The following MTX2 variants were observed in gnomAD, a reference collection of about 807,000 sequenced individuals.
The protein encoded by MTX2 is metaxin 2, also known as metaxin-2.
A neutral mutation model predicts 42.3 loss-of-function variants in MTX2; 35 were observed. The ratio of observed to expected loss-of-function variants is 0.83; its 90% CI spans 0.63 to 1.10. The LOEUF (loss-of-function observed/expected upper bound fraction) is 1.10, where lower values mean the gene tolerates loss of function less well. Ranked by LOEUF, MTX2 falls within the 50% of genes least tolerant of loss-of-function variation. The pLI is 0.00. For missense variants in MTX2, 307 were observed against 304.1 expected, an observed-to-expected ratio of 1.01 and a Z score of -0.07; for synonymous variants, 119 against 100.9, an observed-to-expected ratio of 1.18 and a Z score of -1.08.
chr2:176,296,782 G>C, intron 1 of MTX2, 78 bp from the exon 2 acceptor site: 1 of 1,433,100 alleles, frequency 7.0e-7, no homozygotes, highest in East Asian at 2.3e-5. Flanking sequence ...GTAGGCAAAT[G>C]TACATGCTTA....
chr2:176,323,763 A>G (rs1684641088), intron 4 of MTX2, among the ~76,000 whole-genome samples: 5 of 151,728 alleles, frequency 3.3e-5, no homozygotes, highest in Admixed American at 3.3e-4. Context: ...CCTAGTCTTA[A>G]TGTACATAAG....
rs747303822 is a variant in MTX2 at position 176,328,260 on chromosome 2, ATGT to A, written c.286-31_286-29del. On this transcript the variant is annotated intron_variant, in intron 5 of 9. Coordinates refer to ENST00000249442, the MANE Select transcript of MTX2 (RefSeq NM_006554.5). The stretch of plus-strand genomic sequence containing the variant: ...TGAAAGTTTTTGTATATTTAATATG[ATGT>A]TCTTTTAAATTTTTTTAAATTCCCT... 15 of 1,366,670 alleles carry A rather than the reference ATGT, an allele frequency of 1.1e-5. No individual in the cohort carries two copies. In the South Asian group the frequency reaches 2.0e-4, roughly 18 times the overall value. 84.7% of individuals were successfully genotyped at this position (1,366,670 alleles called of 1,614,324 possible). A position where few individuals can be genotyped will look rare whatever the true frequency, so the allele number is the denominator to read the frequency against.
chr2:176,332,554 TGGGGATGTTG>T lies in MTX2; in HGVS notation c.620+1897_620+1906del, dbSNP rs1361548343. Among the ~76,000 whole-genome samples, 38 of 151,322 alleles carry T rather than the reference TGGGGATGTTG, an allele frequency of 2.5e-4. 1 individual carries two copies. The highest frequency in any genetic ancestry group is 2.5e-3 in the Admixed American group (38 of 15,134). On this transcript the variant is annotated intron_variant, in intron 9 of 9. Transcript: ENST00000249442. ...TTAACTTTCCTTCTAGCTCAACTAC[TGGGGATGTTG>T]GGAGGACTCGTGAAAGAAACCAAAT...
intron 1 of MTX2, among the ~76,000 whole-genome samples, chr2:176,274,698 G>T (rs1342995521): frequency 6.6e-6 from 1 of 152,152 alleles, no homozygotes; most frequent in East Asian, 1.9e-4. Context: ...GCAAGACCAG[G>T]TACTACCTGG....
rs114817038 is a variant in MTX2, at chr2:176,337,786, A to G, written c.*122A>G. The G allele has an allele frequency of 1.7e-3, 1,269 of 768,464 alleles. 13 individuals carry two copies. In the African/African-American group the frequency reaches 0.02, roughly 12 times the overall value. 47.6% of individuals were successfully genotyped at this position (768,464 alleles called of 1,614,324 possible). A position where few individuals can be genotyped will look rare whatever the true frequency, so the allele number is the denominator to read the frequency against. On this transcript the variant is annotated 3_prime_UTR_variant, in exon 10 of 10. Transcript: ENST00000249442. ...GCTTTTTGAAACCTCAAATTATATAATGTATCTTATGTATGTGCTTTATAT... is the reference window on the plus strand; with the variant it reads ...GCTTTTTGAAACCTCAAATTATATAGTGTATCTTATGTATGTGCTTTATAT...
chr2:176,316,861 T>G (rs1176288320), intron 3 of MTX2, among the ~76,000 whole-genome samples: 1 of 152,150 alleles, frequency 6.6e-6, no homozygotes, highest in African/African-American at 2.4e-5. Flanking sequence ...TGTATAATTT[T>G]ATACATATAT....
chr2:176,318,133 CT>C (rs1400813097), intron 3 of MTX2, among the ~76,000 whole-genome samples: 11 of 151,864 alleles, frequency 7.2e-5, no homozygotes, highest in African/African-American at 2.4e-4. Flanking sequence ...GGGTGTATAC[CT>C]TTTCTGTTTC....
intron 1 of MTX2, 74 bp from the exon 2 acceptor site, chr2:176,296,786 A>G: frequency 2.1e-6 from 3 of 1,455,852 alleles, no homozygotes; most frequent in Non-Finnish European, 2.9e-6. Flanking sequence ...GCAAATGTAC[A>G]TGCTTATTAA....
chr2:176,309,082 A>T (rs1223621416), intron 3 of MTX2, among the ~76,000 whole-genome samples: 1 of 151,990 alleles, frequency 6.6e-6, no homozygotes, highest in Non-Finnish European at 1.5e-5. Flanking sequence ...AGAGATTCTG[A>T]TATGTTGTGT....
At chr2:176,324,735 CTTT>C (rs1375084196) in intron 4 of MTX2, among the ~76,000 whole-genome samples, 2 of 151,560 alleles carry the variant, frequency 1.3e-5, no homozygotes, top group Non-Finnish European at 3.0e-5. Context: ...TACCTATTTT[CTTT>C]TTATTAGATT....
Position 176,328,296 on chromosome 2 carries a change from C to A in MTX2, c.289C>A (p.His97Asn), listed in dbSNP as rs754137464. ...PIVQFVKAKG[H>N]SLSDGLEEVQ... ...AATTTTTTTAAATTCCCTTTAGGGC[C>A]ATTCTCTTAGTGATGGGCTGGAGGA... Residue 97 changes from histidine (H) to asparagine (N), a missense_variant, in exon 6 of 10, where the codon CAT (histidine) becomes AAT (asparagine). Transcript: ENST00000249442. 6 of 1,553,924 alleles carry A rather than the reference C, an allele frequency of 3.9e-6. No homozygotes were observed. The highest frequency in any genetic ancestry group is 5.2e-6 in the Non-Finnish European group (6 of 1,154,264).
In MTX2 at chr2:176,285,637, CT is replaced by C. The variant is rs879442676; in HGVS notation, c.41-11211del. Among the ~76,000 whole-genome samples the C allele has an allele frequency of 9.2e-3, 1,311 of 142,034 alleles. 9 individuals are homozygous for C. The highest frequency in any genetic ancestry group is 0.021 in the African/African-American group (836 of 39,152). The allele number at this position is 142,034 out of a possible 152,430, so 93.2% of individuals were successfully genotyped here. ...ATCATATGTTTTCTTTTGTGTCTGGCTTTTTTTTTTTTATTGGGCATAATGC... is the reference window on the plus strand; with the variant it reads ...ATCATATGTTTTCTTTTGTGTCTGGCTTTTTTTTTTTATTGGGCATAATGC... On this transcript the variant is annotated intron_variant, in intron 1 of 9. Transcript: ENST00000249442.
intron 1 of MTX2, among the ~76,000 whole-genome samples, chr2:176,276,894 C>A (rs1692960650): frequency 6.6e-6 from 1 of 152,004 alleles, no homozygotes; most frequent in African/African-American, 2.4e-5. Flanking sequence ...GAAATAAGAA[C>A]AATATCTGTT....
chr2:176,319,806 G>T (rs2105436583), intron 3 of MTX2, among the ~76,000 whole-genome samples: 1 of 152,028 alleles, frequency 6.6e-6, no homozygotes, highest in Non-Finnish European at 1.5e-5. Flanking sequence ...AAACTCCTGA[G>T]CTTGTGATCC....
chr2:176,296,968 C>A, intron 2 of MTX2, 61 bp downstream of exon 2: 1 of 1,470,598 alleles, frequency 6.8e-7, no homozygotes. Flanking sequence ...ACGGAAAAAT[C>A]CTCAGTAATA....
In MTX2 at chr2:176,288,749, T is replaced by C. The variant is rs150826056; in HGVS notation, c.41-8111T>C. Among the ~76,000 whole-genome samples the C allele has an allele frequency of 5.3e-5, 8 of 152,050 alleles. No individual in the cohort carries two copies. In the South Asian group the frequency reaches 6.2e-4, roughly 12 times the overall value. ...CATGTAATATTAGTGCCTATTATTC[T>C]GGAAATTATGTCTTCACCTACATTC... On this transcript the variant is annotated intron_variant, in intron 1 of 9. Transcript: ENST00000249442.
At chr2:176,285,286 T>C (rs139754829) in intron 1 of MTX2, among the ~76,000 whole-genome samples, 96 of 152,312 alleles carry the variant, frequency 6.3e-4, no homozygotes, top group African/African-American at 2.2e-3. Context: ...AGCACTTACA[T>C]GTACAGTAAG....
At chr2:176,330,487 A>G in intron 8 of MTX2, 97 bp from the exon 9 acceptor site, 1 of 749,298 alleles carries the variant, frequency 1.3e-6, no homozygotes, top group Non-Finnish European at 2.1e-6. Context: ...TTAAATTTAT[A>G]TTTTTGTTAT....
intron 3 of MTX2, among the ~76,000 whole-genome samples, chr2:176,301,663 G>A (rs1035811522): frequency 2.6e-5 from 4 of 152,122 alleles, no homozygotes; most frequent in African/African-American, 9.7e-5. Flanking sequence ...ACACTTTGCT[G>A]CATATTGGTC....
Sources: allele counts gnomAD v4.1 joint callset (sites outside exome capture counted in the v4.1 genomes callset), GRCh38; gene constraint gnomAD v4.1.1; transcripts MANE v1.5; gene names NCBI Gene and HGNC (gene_info 2026-07-23, HGNC 2026-07-21).